THOC2: variants seen among roughly 807,000 people sequenced by gnomAD.
The protein encoded by THOC2 is THO complex 2.
A neutral mutation model predicts 128.4 loss-of-function variants in THOC2; 10 were observed. The observed-to-expected ratio is 0.08, with a 90% CI of 0.05 to 0.13. The LOEUF (loss-of-function observed/expected upper bound fraction) is 0.13. THOC2 is among the 10% of genes least tolerant of loss of function. The pLI, the probability that THOC2 is intolerant of heterozygous loss-of-function variation, is 1.00. For synonymous variants in THOC2, 393 were observed against 396.9 expected, an observed-to-expected ratio of 0.99 and a Z score of 0.12; for missense variants, 535 against 1,155.7, an observed-to-expected ratio of 0.46 and a Z score of 7.79.
chrX:123,692,935 A>G (rs1317289544), intron 7 of THOC2, among the ~76,000 whole-genome samples: 1 of 111,827 alleles, frequency 8.9e-6, no homozygotes, highest in African/African-American at 3.3e-5. Flanking sequence ...CTGATGAAGG[A>G]GGTATTACCT....
intron 2 of THOC2, among the ~76,000 whole-genome samples, chrX:123,708,130 C>T (rs2051015132): frequency 9.0e-6 from 1 of 111,063 alleles, no homozygotes; most frequent in Non-Finnish European, 1.9e-5. Flanking sequence ...AAACTTCTCC[C>T]CTGCTATGAC....
Position 123,628,183 on chromosome X carries a change from C to G in THOC2, c.2482-215G>C, listed in dbSNP as rs369950710. Among the ~76,000 whole-genome samples the G allele has an allele frequency of 6.2e-4, 69 of 111,659 alleles. No homozygotes were observed. In the South Asian group the frequency reaches 0.013, roughly 20 times the overall value. On this transcript the variant is annotated intron_variant, in intron 22 of 38. Coordinates refer to ENST00000245838, the MANE Select transcript of THOC2 (RefSeq NM_001081550.2). Reference sequence around the variant, plus strand: ...TCCAGTCTTTAGTACTGTGTGCCAACTAGGAGATTCTCAGAGGGTTCTTAT... The same window carrying G: ...TCCAGTCTTTAGTACTGTGTGCCAAGTAGGAGATTCTCAGAGGGTTCTTAT...
intron 11 of THOC2, 144 bp from the exon 12 acceptor site, chrX:123,665,981 A>G: frequency 3.3e-6 from 1 of 305,277 alleles, no homozygotes; most frequent in Non-Finnish European, 5.3e-6. Context: ...TTTGCTTTCT[A>G]CATTTCAATT....
intron 12 of THOC2, among the ~76,000 whole-genome samples, chrX:123,657,960 C>CGTGTGTGT (rs60969537): frequency 2.1e-5 from 2 of 94,802 alleles, no homozygotes; most frequent in Non-Finnish European, 4.2e-5. Flanking sequence ...TACGCATATG[C>CGTGTGTGT]GTGTGTGTGT....
rs183084095 is a variant in THOC2, at chrX:123,697,643, C to T, written c.345+38G>A. The T allele has an allele frequency of 3.5e-4, 253 of 722,510 alleles. No homozygotes were observed. The African/African-American group carries it at 5.0e-3, about 14-fold the overall frequency. The allele number at this position is 722,510 out of a possible 1,213,427, so 59.5% of individuals were successfully genotyped here. ...TAACTTCTATTACAACTGTTTAATGCAGATTTTTAAAAGGGAAAAATATTT... is the reference window on the plus strand; with the variant it reads ...TAACTTCTATTACAACTGTTTAATGTAGATTTTTAAAAGGGAAAAATATTT... On this transcript the variant is annotated intron_variant, in intron 5 of 38. Transcript: ENST00000245838.
chrX:123,680,779 T>C (rs1357478075), intron 8 of THOC2, among the ~76,000 whole-genome samples: 1 of 111,985 alleles, frequency 8.9e-6, no homozygotes, highest in Non-Finnish European at 1.9e-5. Flanking sequence ...ACTATCTTTT[T>C]AACTGCTCAG....
At chrX:123,638,910 A>G (rs2047797746) in intron 17 of THOC2, 24 bp downstream of exon 17, 1 of 900,229 alleles carries the variant, frequency 1.1e-6, no homozygotes, top group South Asian at 2.5e-5. Context: ...TGAAATCTAC[A>G]TATTACTTCA....
At chrX:123,711,122 G>A (rs981713938) in intron 2 of THOC2, among the ~76,000 whole-genome samples, 1 of 104,523 alleles carries the variant, frequency 9.6e-6, no homozygotes, top group Non-Finnish European at 2.0e-5. Flanking sequence ...GGGTTCAAGC[G>A]ATTCTCGTAC....
chrX:123,693,906 T>C (rs1421761450), intron 7 of THOC2, among the ~76,000 whole-genome samples: 1 of 111,595 alleles, frequency 9.0e-6, no homozygotes, highest in Non-Finnish European at 1.9e-5. Flanking sequence ...TCAAATTGTT[T>C]ATACTCATAG....
At chrX:123,676,286 C>G (rs1389828971) in intron 8 of THOC2, among the ~76,000 whole-genome samples, 1 of 111,856 alleles carries the variant, frequency 8.9e-6, no homozygotes, top group African/African-American at 3.3e-5. Flanking sequence ...CAAAAGTAGG[C>G]CCCTATGTGG....
At chrX:123,643,501 G>A (rs2048008798) in intron 15 of THOC2, among the ~76,000 whole-genome samples, 2 of 110,918 alleles carry the variant, frequency 1.8e-5, no homozygotes, top group East Asian at 5.6e-4. Flanking sequence ...TTAATGCCTG[G>A]CACATACAGT....
At chrX:123,629,370 A>C (rs918731504) in intron 22 of THOC2, among the ~76,000 whole-genome samples, 2 of 110,114 alleles carry the variant, frequency 1.8e-5, no homozygotes, top group African/African-American at 6.6e-5. Flanking sequence ...ACGAACCTAA[A>C]GGAAGTCCTA....
intron 12 of THOC2, among the ~76,000 whole-genome samples, chrX:123,665,300 A>G (rs1210246899): frequency 8.9e-6 from 1 of 111,987 alleles, no homozygotes; most frequent in Admixed American, 9.5e-5. Context: ...AACTCCCCAC[A>G]GTATTCAGTA....
intron 9 of THOC2, among the ~76,000 whole-genome samples, chrX:123,669,963 G>A (rs183512291): frequency 1.3e-4 from 15 of 111,686 alleles, no homozygotes; most frequent in Non-Finnish European, 2.6e-4. Flanking sequence ...ATATTAACAG[G>A]ACCACTCAGT....
intron 8 of THOC2, 56 bp from the exon 9 acceptor site, chrX:123,671,817 T>C: frequency 1.4e-6 from 1 of 712,430 alleles, no homozygotes; most frequent in Non-Finnish European, 2.1e-6. Context: ...ATTAAAGCAA[T>C]ATCCTTCACC....
At chrX:123,676,109 C>T (rs1423551719) in intron 8 of THOC2, among the ~76,000 whole-genome samples, 1 of 112,329 alleles carries the variant, frequency 8.9e-6, no homozygotes, top group African/African-American at 3.2e-5. Context: ...GCTCTTTTTC[C>T]CCATGTATCT....
chrX:123,722,703 T>G (rs2051757869), intron 1 of THOC2, among the ~76,000 whole-genome samples: 1 of 110,262 alleles, frequency 9.1e-6, no homozygotes, highest in African/African-American at 3.3e-5. Context: ...ACCTGCACAT[T>G]CTGCACATGT....
At chrX:123,679,069 T>C (rs1463910574) in intron 8 of THOC2, among the ~76,000 whole-genome samples, 2 of 111,084 alleles carry the variant, frequency 1.8e-5, no homozygotes, top group Non-Finnish European at 3.8e-5. Flanking sequence ...CTCTCCACTT[T>C]CCACTCAGTC....
intron 38 of THOC2, chrX:123,610,100 A>C (rs1294101447): frequency 9.0e-6 from 1 of 110,787 alleles, no homozygotes; most frequent in Non-Finnish European, 1.9e-5. Flanking sequence ...GAACCATTAC[A>C]TTTAGGGGGC....
Sources: gnomAD v4.1 joint callset for allele counts (sites outside exome capture counted in the v4.1 genomes callset) on GRCh38, gnomAD v4.1.1 for gene constraint, MANE v1.5 for transcripts, NCBI Gene and HGNC (gene_info 2026-07-23, HGNC 2026-07-21) for gene names.